Variants in CDH12 observed in about 807,000 individuals in gnomAD.
CDH12 encodes cadherin 12, also known as cadherin-12.
In CDH12, 41 loss-of-function variants were observed where a neutral mutation model predicts 74.1. The observed-to-expected ratio is 0.55, with a 90% CI of 0.43 to 0.72. The LOEUF is 0.72. CDH12 is among the 30% of genes least tolerant of loss of function. The pLI is 0.00. For synonymous variants in CDH12, 399 were observed against 355.0 expected, an observed-to-expected ratio of 1.12 and a Z score of -1.39; for missense variants, 945 against 977.2, an observed-to-expected ratio of 0.97 and a Z score of 0.44.
intron 1 of CDH12, among the ~76,000 whole-genome samples, chr5:22,842,978 T>A (rs1737144556): frequency 6.6e-6 from 1 of 152,128 alleles, no homozygotes; most frequent in Non-Finnish European, 1.5e-5. Context: ...TTTTTTGGTA[T>A]GTTTGTGTAA....
chr5:22,544,337 A>C (rs1738225034), intron 1 of CDH12, among the ~76,000 whole-genome samples: 1 of 152,172 alleles, frequency 6.6e-6, no homozygotes, highest in Non-Finnish European at 1.5e-5. Flanking sequence ...TTAGTTCCAT[A>C]TATAATTATT....
intron 5 of CDH12, among the ~76,000 whole-genome samples, chr5:22,034,860 A>G (rs1001005820): frequency 6.6e-6 from 1 of 152,168 alleles, no homozygotes. Context: ...ACAATAAAAT[A>G]AAGCTTTTTG....
At chr5:22,113,786 A>T (rs1744944668) in intron 4 of CDH12, among the ~76,000 whole-genome samples, 1 of 152,172 alleles carries the variant, frequency 6.6e-6, no homozygotes, top group African/African-American at 2.4e-5. Flanking sequence ...AAAATAGAAT[A>T]ATTTCTTATT....
chr5:22,698,257 G>A (rs1326633829), intron 1 of CDH12, among the ~76,000 whole-genome samples: 1 of 149,902 alleles, frequency 6.7e-6, no homozygotes, highest in Non-Finnish European at 1.5e-5. Context: ...AAGTAGCTGG[G>A]ATTACAGGCA....
At chr5:22,299,502 T>C (rs1266580852) in intron 3 of CDH12, among the ~76,000 whole-genome samples, 3 of 152,206 alleles carry the variant, frequency 2.0e-5, no homozygotes, top group Non-Finnish European at 4.4e-5. Context: ...ATGCAAGAAG[T>C]AGCATGGTGT....
At chr5:22,060,501 A>T (rs1165770980) in intron 5 of CDH12, among the ~76,000 whole-genome samples, 1 of 152,152 alleles carries the variant, frequency 6.6e-6, no homozygotes, top group African/African-American at 2.4e-5. Flanking sequence ...AATTAATTAA[A>T]TAAAAACAAT....
intron 5 of CDH12, among the ~76,000 whole-genome samples, chr5:22,077,941 C>A (rs190228129): frequency 6.6e-6 from 1 of 152,052 alleles, no homozygotes; most frequent in African/African-American, 2.4e-5. Flanking sequence ...TACTTCAGAA[C>A]CACAATCCAA....
At chr5:22,355,362 G>C (rs773818728) in intron 3 of CDH12, among the ~76,000 whole-genome samples, 1 of 151,842 alleles carries the variant, frequency 6.6e-6, no homozygotes. Flanking sequence ...TGTCAACTAG[G>C]AACAGTCCTG....
chr5:22,364,732 A>C (rs190357816), intron 3 of CDH12, among the ~76,000 whole-genome samples: 1 of 152,306 alleles, frequency 6.6e-6, no homozygotes, highest in African/African-American at 2.4e-5. Context: ...AAATGCACCA[A>C]TGTTACCTTA....
At chr5:21,830,045 A>C (rs962716011) in intron 8 of CDH12, among the ~76,000 whole-genome samples, 7 of 151,784 alleles carry the variant, frequency 4.6e-5, no homozygotes, top group South Asian at 2.1e-4. Flanking sequence ...CTAAAAATAC[A>C]AAAATTATCT....
chr5:22,202,939 T>C (rs1751006135), intron 4 of CDH12, among the ~76,000 whole-genome samples: 1 of 152,232 alleles, frequency 6.6e-6, no homozygotes, highest in Non-Finnish European at 1.5e-5. Context: ...TTGTTTTTCA[T>C]GTGTCTTTTT....
At chr5:21,970,868 AAAAAAAG>A (rs1561337685) in intron 6 of CDH12, among the ~76,000 whole-genome samples, 4 of 147,326 alleles carry the variant, frequency 2.7e-5, no homozygotes, top group South Asian at 2.1e-4. Flanking sequence ...AAAAAAAAAA[AAAAAAAG>A]AAAAAAGAAA....
intron 3 of CDH12, among the ~76,000 whole-genome samples, chr5:22,244,993 T>C (rs1188249771): frequency 1.3e-5 from 2 of 151,942 alleles, no homozygotes; most frequent in African/African-American, 4.8e-5. Context: ...GAAGGGACCT[T>C]GAAGCAGGGC....
intron 5 of CDH12, among the ~76,000 whole-genome samples, chr5:22,034,357 A>G (rs1739027217): frequency 6.6e-6 from 1 of 152,192 alleles, no homozygotes; most frequent in African/African-American, 2.4e-5. Flanking sequence ...AAATTGTTGA[A>G]TAAAAGATTA....
chr5:22,823,795 C>T (rs1469038580), intron 1 of CDH12, among the ~76,000 whole-genome samples: 1 of 152,046 alleles, frequency 6.6e-6, no homozygotes, highest in Non-Finnish European at 1.5e-5. Context: ...TCTCTCTTTG[C>T]CATGTAAGAC....
intron 4 of CDH12, among the ~76,000 whole-genome samples, chr5:22,128,503 C>T (rs1450176379): frequency 6.6e-6 from 1 of 151,932 alleles, no homozygotes; most frequent in Non-Finnish European, 1.5e-5. Flanking sequence ...AACACTTCTT[C>T]TATTTCACAC....
At chr5:21,794,781 C>G (rs932649466) in intron 10 of CDH12, among the ~76,000 whole-genome samples, 1 of 151,532 alleles carries the variant, frequency 6.6e-6, no homozygotes, top group African/African-American at 2.4e-5. Flanking sequence ...TAAAGTAATT[C>G]ATGAAGAATA....
rs187605961 is a variant in CDH12 at position 22,335,599 on chromosome 5, A to C, written c.-333+69658T>G. ...GACTCCATCTCAAAAGAAAAAAAAAAACAAAAACAAAAACAAGGGGGAGTT... is the reference window on the plus strand; with the variant it reads ...GACTCCATCTCAAAAGAAAAAAAAACACAAAAACAAAAACAAGGGGGAGTT... On this transcript the variant is annotated intron_variant, in intron 3 of 14. Coordinates refer to ENST00000382254, the MANE Select transcript of CDH12 (RefSeq NM_004061.5). Among the ~76,000 whole-genome samples, 399 of 151,796 alleles carry C rather than the reference A, an allele frequency of 2.6e-3. 2 individuals carry two copies. The highest frequency in any genetic ancestry group is 9.5e-3 in the African/African-American group (391 of 41,370).
At chr5:22,823,510 T>C (rs1180421632) in intron 1 of CDH12, among the ~76,000 whole-genome samples, 1 of 152,148 alleles carries the variant, frequency 6.6e-6, no homozygotes, top group Non-Finnish European at 1.5e-5. Context: ...GAACTGTAAG[T>C]TCATTAAACA....
Sources: allele counts gnomAD v4.1 joint callset (sites outside exome capture counted in the v4.1 genomes callset), GRCh38; gene constraint gnomAD v4.1.1; transcripts MANE v1.5; gene names NCBI Gene and HGNC (gene_info 2026-07-23, HGNC 2026-07-21).